The following CDH23 variants were observed in gnomAD, a reference collection of about 807,000 sequenced individuals.
The protein encoded by CDH23 is cadherin related 23.
Under a neutral mutation model 317.1 loss-of-function variants are expected in CDH23, and 189 were observed. That is an observed-to-expected ratio of 0.60 (90% CI 0.53 to 0.67). CDH23 has a LOEUF of 0.67. Ranked by LOEUF, CDH23 falls within the 30% of genes least tolerant of loss-of-function variation. The pLI, the probability that CDH23 is intolerant of heterozygous loss-of-function variation, is 0.00. For synonymous variants in CDH23, 1,839 were observed against 1,876.8 expected, an observed-to-expected ratio of 0.98 and a Z score of 0.52; for missense variants, 4,401 against 4,592.4, an observed-to-expected ratio of 0.96 and a Z score of 1.20.
At chr10:71,792,820 T>TAAAAA (rs1158593304) in intron 47 of CDH23, among the ~76,000 whole-genome samples, 7 of 47,912 alleles carry the variant, frequency 1.5e-4, no homozygotes, top group Admixed American at 7.2e-4. Flanking sequence ...AGACTCCATC[T>TAAAAA]AAAAAAAAAA....
chr10:71,735,912 C>T (rs147002994), intron 34 of CDH23, among the ~76,000 whole-genome samples: 2 of 152,360 alleles, frequency 1.3e-5, no homozygotes, highest in African/African-American at 4.8e-5. Flanking sequence ...GAGCCACCTG[C>T]GTCCTGCCAC....
At chr10:71,688,263 G>A (rs1205009317) in intron 19 of CDH23, among the ~76,000 whole-genome samples, 1 of 152,244 alleles carries the variant, frequency 6.6e-6, no homozygotes, top group Admixed American at 6.5e-5. Flanking sequence ...CAGGCTGGCA[G>A]CTTCGCCCTT....
intron 9 of CDH23, among the ~76,000 whole-genome samples, chr10:71,614,498 T>A (rs1861076195): frequency 6.6e-6 from 1 of 152,212 alleles, no homozygotes; most frequent in Non-Finnish European, 1.5e-5. Flanking sequence ...TGCCTGCCAC[T>A]GTGTGCCCAG....
At chr10:71,806,388 C>G in intron 57 of CDH23, 107 bp downstream of exon 57, 3 of 772,800 alleles carry the variant, frequency 3.9e-6, no homozygotes, top group African/African-American at 3.4e-5. Context: ...TTTGGCTAGA[C>G]ACGGAAACAT....
At chr10:71,642,023 G>A (rs1259107636) in intron 11 of CDH23, among the ~76,000 whole-genome samples, 1 of 152,168 alleles carries the variant, frequency 6.6e-6, no homozygotes, top group African/African-American at 2.4e-5. Flanking sequence ...TTGAACCTGG[G>A]AAGTAGAGGT....
chr10:71,400,810 A>G (rs1283443921), intron 1 of CDH23, among the ~76,000 whole-genome samples: 1 of 152,290 alleles, frequency 6.6e-6, no homozygotes, highest in African/African-American at 2.4e-5. Flanking sequence ...AAATCAATCA[A>G]TCAATAAAAA....
intron 9 of CDH23, among the ~76,000 whole-genome samples, chr10:71,611,713 AG>A (rs1860907188): frequency 6.6e-6 from 1 of 152,166 alleles, no homozygotes; most frequent in South Asian, 2.1e-4. Flanking sequence ...CTGCCTCCAG[AG>A]GGTGTAATCT....
chr10:71,800,514 G>A, intron 52 of CDH23, 122 bp from the exon 53 acceptor site: 1 of 1,196,964 alleles, frequency 8.4e-7, no homozygotes, highest in Admixed American at 2.1e-5. Flanking sequence ...GGGGGCAGAG[G>A]TTATTGTCTC....
In CDH23 at chr10:71,646,353, G is replaced by A. The variant is rs1026184519; in HGVS notation, c.1291-106G>A. The A allele has an allele frequency of 2.0e-6, 3 of 1,520,048 alleles. No individual in the cohort carries two copies. In the African/African-American group the frequency reaches 4.1e-5, roughly 21 times the overall value. 94.2% of individuals were successfully genotyped at this position (1,520,048 alleles called of 1,614,324 possible). A position where few individuals can be genotyped will look rare whatever the true frequency, so the allele number is the denominator to read the frequency against. Reference sequence around the variant, plus strand: ...CTGGGATGGGCAGAGACTCTAACAGGTGCTCTGGGCTGGGGCCGGCAAAGG... The same window carrying A: ...CTGGGATGGGCAGAGACTCTAACAGATGCTCTGGGCTGGGGCCGGCAAAGG... On this transcript the variant is annotated intron_variant, in intron 13 of 69. Coordinates refer to ENST00000224721, the MANE Select transcript of CDH23 (RefSeq NM_022124.6).
chr10:71,452,311 G>C (rs540512631), intron 3 of CDH23, among the ~76,000 whole-genome samples: 2 of 152,256 alleles, frequency 1.3e-5, no homozygotes, highest in South Asian at 2.1e-4. Context: ...ATGCCCTGGA[G>C]GGGGGCAGGG....
chr10:71,522,743 A>G (rs941593307), intron 6 of CDH23, among the ~76,000 whole-genome samples: 9 of 152,156 alleles, frequency 5.9e-5, no homozygotes, highest in Admixed American at 1.3e-4. Flanking sequence ...TGCTGGGATA[A>G]GAGGCTGGAT....
rs766261756 is a variant in CDH23, at chr10:71,712,675, T to G, written c.3231T>G (p.Pro1077=). 1.0e-4 allele frequency: 161 copies of G among 1,613,460 alleles called. 1 individual carries two copies. The highest frequency in any genetic ancestry group is 3.5e-4 in the Admixed American group (21 of 59,998). The change falls in exon 28 of 70, where the codon CCT becomes CCG. Residue 1077 remains proline, a synonymous_variant. Transcript: ENST00000224721. ...CTTCAACTCCCACAGACAACGGCCC[T>G]GTAGGGAAGCGACACACGGGCACAG... The part of the protein sequence containing the change: ...MLILEAIDNG[P]VGKRHTGTAT...
At chr10:71,500,443 C>T (rs942679651) in intron 3 of CDH23, among the ~76,000 whole-genome samples, 1 of 152,208 alleles carries the variant, frequency 6.6e-6, no homozygotes, top group African/African-American at 2.4e-5. Flanking sequence ...GCAGCCCCTT[C>T]TCTGACTCTC....
intron 3 of CDH23, among the ~76,000 whole-genome samples, chr10:71,498,609 G>C (rs1853104203): frequency 6.6e-6 from 1 of 152,236 alleles, no homozygotes; most frequent in Non-Finnish European, 1.5e-5. Flanking sequence ...GGCAGTGTTT[G>C]CTGAGGGAAT....
intron 46 of CDH23, 95 bp downstream of exon 46, chr10:71,790,508 C>T (rs1841219481): frequency 4.7e-6 from 7 of 1,482,842 alleles, no homozygotes; most frequent in Non-Finnish European, 6.3e-6. Context: ...AGTGCTGGAC[C>T]CAGGCTGTCC....
intron 25 of CDH23, among the ~76,000 whole-genome samples, chr10:71,706,237 G>T (rs1414249617): frequency 6.6e-6 from 1 of 152,208 alleles, no homozygotes; most frequent in East Asian, 1.9e-4. Context: ...TAGGGGCCTA[G>T]CATGCAGAGC....
chr10:71,739,311 T>C lies in CDH23; in HGVS notation c.4360-333T>C, dbSNP rs1227058. Among the ~76,000 whole-genome samples, 119,728 of 152,022 alleles carry C rather than the reference T, an allele frequency of 0.79. 47,209 individuals are homozygous for C. Among genetic ancestry groups the C allele is most frequent in the East Asian group, 0.83 (4,286 of 5,158 alleles). On this transcript the variant is annotated intron_variant, in intron 35 of 69. Coordinates refer to ENST00000224721, the MANE Select transcript of CDH23 (RefSeq NM_022124.6). Reference sequence around the variant, plus strand: ...TAAGAACCAAGTAGAGTCCAGGTAATGCCGCAGCGTGTGCCCACCCCAGCA... The same window carrying C: ...TAAGAACCAAGTAGAGTCCAGGTAACGCCGCAGCGTGTGCCCACCCCAGCA...
intron 69 of CDH23, among the ~76,000 whole-genome samples, chr10:71,814,464 T>C (rs1035649664): frequency 6.6e-6 from 1 of 152,124 alleles, no homozygotes; most frequent in Non-Finnish European, 1.5e-5. Flanking sequence ...ATCCCAGCAC[T>C]TTGGGAGGCT....
intron 9 of CDH23, among the ~76,000 whole-genome samples, chr10:71,602,938 A>G (rs1860314032): frequency 6.6e-6 from 1 of 152,128 alleles, no homozygotes; most frequent in South Asian, 2.1e-4. Context: ...CCACTCCTTT[A>G]TGAGTTCTCC....
Sources: gnomAD v4.1 joint callset for allele counts (sites outside exome capture counted in the v4.1 genomes callset) on GRCh38, gnomAD v4.1.1 for gene constraint, MANE v1.5 for transcripts, NCBI Gene and HGNC (gene_info 2026-07-23, HGNC 2026-07-21) for gene names.